Variants in RGS20 observed in about 807,000 individuals in gnomAD.
RGS20 encodes gz-selective GTPase-activating protein.
RGS20 carries 30 observed loss-of-function variants against 33.6 expected under a neutral mutation model. The ratio of observed to expected loss-of-function variants is 0.89; its 90% confidence interval spans 0.67 to 1.21. The LOEUF is 1.21. Ranked by LOEUF, RGS20 falls within the 50% of genes most tolerant of loss-of-function variation. The pLI, the probability that RGS20 is intolerant of heterozygous loss-of-function variation, is 0.00. For missense variants in RGS20, 472 were observed against 502.4 expected, an observed-to-expected ratio of 0.94 and a Z score of 0.58; for synonymous variants, 208 against 197.9, an observed-to-expected ratio of 1.05 and a Z score of -0.43.
At chr8:53,897,355 T>C (rs147665556) in intron 2 of RGS20, among the ~76,000 whole-genome samples, 1 of 152,344 alleles carries the variant, frequency 6.6e-6, no homozygotes, top group African/African-American at 2.4e-5. Context: ...CTGCTCTCAC[T>C]TGTGGTCAAA....
At chr8:53,912,770 ACTTATC>A (rs1482249206) in intron 2 of RGS20, among the ~76,000 whole-genome samples, 2 of 152,266 alleles carry the variant, frequency 1.3e-5, no homozygotes, top group Admixed American at 6.5e-5. Flanking sequence ...TAAAAGAAAA[ACTTATC>A]CTTAAACTAT....
chr8:53,854,422 C>T (rs1028782037), intron 1 of RGS20, among the ~76,000 whole-genome samples: 3 of 151,854 alleles, frequency 2.0e-5, no homozygotes, highest in Non-Finnish European at 4.4e-5. Context: ...AAGACATGAA[C>T]AGCCATTTTA....
chr8:53,880,966 G>C, intron 2 of RGS20: 4 of 1,582,182 alleles, frequency 2.5e-6, no homozygotes, highest in Non-Finnish European at 2.6e-6. Context: ...CGCCGACGTA[G>C]AGAGGGCAGC....
At chr8:53,895,577 A>C (rs1267295684) in intron 2 of RGS20, among the ~76,000 whole-genome samples, 1 of 152,092 alleles carries the variant, frequency 6.6e-6, no homozygotes, top group Non-Finnish European at 1.5e-5. Context: ...CAAACAAGGC[A>C]CAGGGCCACC....
intron 2 of RGS20, among the ~76,000 whole-genome samples, chr8:53,895,573 A>G (rs965848214): frequency 6.6e-6 from 1 of 152,140 alleles, no homozygotes; most frequent in African/African-American, 2.4e-5. Flanking sequence ...TCAGCAAACA[A>G]GGCACAGGGC....
chr8:53,942,915 G>T (rs1814348143), intron 3 of RGS20, among the ~76,000 whole-genome samples: 2 of 151,646 alleles, frequency 1.3e-5, no homozygotes, highest in African/African-American at 2.4e-5. Context: ...AGGATCACTT[G>T]AACCCAGGAG....
intron 2 of RGS20, among the ~76,000 whole-genome samples, chr8:53,928,437 G>A (rs551829353): frequency 8.5e-5 from 13 of 152,198 alleles, no homozygotes; most frequent in East Asian, 1.9e-4. Flanking sequence ...CTTACTTATC[G>A]AATCTTTAAA....
At chr8:53,860,692 G>T (rs112775130) in intron 1 of RGS20, among the ~76,000 whole-genome samples, 1 of 152,172 alleles carries the variant, frequency 6.6e-6, no homozygotes, top group African/African-American at 2.4e-5. Context: ...CCTGCTGAGC[G>T]CAGTGGGTCA....
Position 53,851,843 on chromosome 8 carries a change from T to C in RGS20, c.-57T>C, listed in dbSNP as rs1811569130. The C allele has an allele frequency of 7.6e-6, 12 of 1,574,588 alleles. No homozygotes were observed. In the Middle Eastern group the frequency reaches 1.2e-3, roughly 158 times the overall value. ...ACAAAGAGAAGCAGAGTGGATCCTG[T>C]GCTAATATTGGGAAAACCAGGCAAC... On this transcript the variant is annotated 5_prime_UTR_variant, in exon 1 of 6. Coordinates refer to ENST00000297313, the MANE Select transcript of RGS20 (RefSeq NM_170587.4).
chr8:53,944,535 C>T (rs13257594), intron 3 of RGS20, among the ~76,000 whole-genome samples: 87,498 of 146,700 alleles, frequency 0.6, 25,991 homozygotes, highest in East Asian at 0.85. Flanking sequence ...AAGACCCCGT[C>T]TCAAAAAAAA....
chr8:53,900,234 TG>T (rs575749054), intron 2 of RGS20, among the ~76,000 whole-genome samples: 267 of 152,272 alleles, frequency 1.8e-3, no homozygotes, highest in African/African-American at 6.0e-3. Context: ...CTTAAACCCC[TG>T]GGCTCAAACG....
chr8:53,873,762 G>A (rs1812130031), intron 1 of RGS20, among the ~76,000 whole-genome samples: 2 of 152,194 alleles, frequency 1.3e-5, no homozygotes, highest in African/African-American at 2.4e-5. Flanking sequence ...ATGGTGACAA[G>A]TGCTATAGAA....
intron 1 of RGS20, chr8:53,876,348 G>A (rs933534230): frequency 6.6e-6 from 1 of 152,242 alleles, no homozygotes; most frequent in African/African-American, 2.4e-5. Context: ...CACTCTGGTT[G>A]CTGTTCAGTA....
intron 3 of RGS20, among the ~76,000 whole-genome samples, chr8:53,940,021 G>A (rs1814244592): frequency 6.6e-6 from 1 of 152,178 alleles, no homozygotes; most frequent in Admixed American, 6.5e-5. Flanking sequence ...GGCAGAAATG[G>A]TTAGAAAGAA....
At chr8:53,876,976 A>C (rs1056417951) in intron 1 of RGS20, among the ~76,000 whole-genome samples, 36 of 152,210 alleles carry the variant, frequency 2.4e-4, no homozygotes, top group African/African-American at 7.2e-4. Flanking sequence ...AGGGGCTTGC[A>C]AGTGACTTGG....
chr8:53,910,071 G>A (rs184098939), intron 2 of RGS20, among the ~76,000 whole-genome samples: 1 of 152,274 alleles, frequency 6.6e-6, no homozygotes, highest in East Asian at 1.9e-4. Flanking sequence ...GATGCATTGA[G>A]TCATGAGGTA....
intron 2 of RGS20, among the ~76,000 whole-genome samples, chr8:53,932,145 C>G (rs1303875654): frequency 6.6e-6 from 1 of 152,196 alleles, no homozygotes; most frequent in Non-Finnish European, 1.5e-5. Context: ...TGATGGGCTT[C>G]CCTTTGTGGG....
At chr8:53,899,294 C>T (rs755457974) in intron 2 of RGS20, among the ~76,000 whole-genome samples, 1 of 152,150 alleles carries the variant, frequency 6.6e-6, no homozygotes, top group Non-Finnish European at 1.5e-5. Context: ...CTTTATGGAA[C>T]AGAAAGGGGA....
At chr8:53,922,071 G>C (rs1355172820) in intron 2 of RGS20, among the ~76,000 whole-genome samples, 1 of 151,998 alleles carries the variant, frequency 6.6e-6, no homozygotes, top group Non-Finnish European at 1.5e-5. Flanking sequence ...CTTCTATCTA[G>C]TTGTTCTGTC....
Sources: gnomAD v4.1 joint callset for allele counts (sites outside exome capture counted in the v4.1 genomes callset) on GRCh38, gnomAD v4.1.1 for gene constraint, MANE v1.5 for transcripts, NCBI Gene and HGNC (gene_info 2026-07-23, HGNC 2026-07-21) for gene names.